ADAM29: variants seen among roughly 807,000 people sequenced by gnomAD.
The protein encoded by ADAM29 is ADAM metallopeptidase domain 29.
For synonymous variants in ADAM29, 367 were observed against 342.3 expected, an observed-to-expected ratio of 1.07 and a Z score of -0.80; for missense variants, 969 against 1,001.8, an observed-to-expected ratio of 0.97 and a Z score of 0.44.
chr4:174,955,405 G>A (rs1242896149), intron 4 of ADAM29, among the ~76,000 whole-genome samples: 1 of 152,016 alleles, frequency 6.6e-6, no homozygotes, highest in African/African-American at 2.4e-5. Flanking sequence ...GAATATAAGA[G>A]GGTACTCTGA....
chr4:174,969,823 T>C (rs565201082), intron 4 of ADAM29, among the ~76,000 whole-genome samples: 24 of 152,220 alleles, frequency 1.6e-4, no homozygotes, highest in African/African-American at 5.5e-4. Context: ...AATCTTTACA[T>C]ATTTTTACTA....
chr4:174,962,081 TTAAAG>T (rs1478198150), intron 4 of ADAM29, among the ~76,000 whole-genome samples: 10 of 152,202 alleles, frequency 6.6e-5, no homozygotes, highest in African/African-American at 2.4e-4. Flanking sequence ...ATGTAAACTT[TTAAAG>T]TAAATACTGA....
chr4:174,955,089 T>G (rs1365986560), intron 4 of ADAM29, among the ~76,000 whole-genome samples: 2 of 152,102 alleles, frequency 1.3e-5, no homozygotes, highest in Non-Finnish European at 2.9e-5. Flanking sequence ...ATGCATTTTT[T>G]TTCAAAATGT....
chr4:174,971,122 TAA>T (rs1746455463), intron 4 of ADAM29, among the ~76,000 whole-genome samples: 1 of 152,166 alleles, frequency 6.6e-6, no homozygotes, highest in Non-Finnish European at 1.5e-5. Flanking sequence ...ATACTAGAAT[TAA>T]AAGTCATTAT....
At chr4:174,943,593 TG>T (rs1024136285) in intron 4 of ADAM29, among the ~76,000 whole-genome samples, 5 of 152,226 alleles carry the variant, frequency 3.3e-5, no homozygotes, top group African/African-American at 1.2e-4. Context: ...GAGAACAGTA[TG>T]GGGGAAATCC....
Position 174,935,661 on chromosome 4 carries a change from G to A in ADAM29, c.-261-1272G>A, listed in dbSNP as rs539748693. On this transcript the variant is annotated intron_variant, in intron 3 of 4. Coordinates refer to ENST00000359240, the MANE Select transcript of ADAM29 (RefSeq NM_014269.4). ...TTGACTTAATCTATTTAGAAGTTTTGATTCAATAGATTCCCAGTGCTGCAG... is the reference window on the plus strand; with the variant it reads ...TTGACTTAATCTATTTAGAAGTTTTAATTCAATAGATTCCCAGTGCTGCAG... Among the ~76,000 whole-genome samples the A allele has an allele frequency of 4.7e-4, 72 of 152,108 alleles. 1 individual carries two copies. Among genetic ancestry groups the A allele is most frequent in the African/African-American group, 1.6e-3 (67 of 41,538 alleles).
At chr4:174,958,886 A>T (rs1745652601) in intron 4 of ADAM29, among the ~76,000 whole-genome samples, 1 of 151,840 alleles carries the variant, frequency 6.6e-6, no homozygotes, top group African/African-American at 2.4e-5. Context: ...TAGCATAGGT[A>T]CCTTGTAACA....
chr4:174,941,384 T>G (rs1244827638), intron 4 of ADAM29, among the ~76,000 whole-genome samples: 1 of 152,158 alleles, frequency 6.6e-6, no homozygotes, highest in African/African-American at 2.4e-5. Flanking sequence ...AATGCTGTAT[T>G]AATTTGTTTT....
At chr4:174,931,296 C>T (rs1053447379) in intron 3 of ADAM29, 122 bp downstream of exon 3, 64 of 152,256 alleles carry the variant, frequency 4.2e-4, no homozygotes, top group East Asian at 3.1e-3. Flanking sequence ...TGCCAACAAG[C>T]ATGAGAGGTG....
intron 4 of ADAM29, among the ~76,000 whole-genome samples, chr4:174,969,517 C>G (rs955598662): frequency 1.3e-5 from 2 of 151,742 alleles, no homozygotes; most frequent in African/African-American, 4.8e-5. Flanking sequence ...CAATTAAACT[C>G]ACAATTCCAG....
chr4:174,934,435 A>G (rs1744088475), intron 3 of ADAM29, among the ~76,000 whole-genome samples: 1 of 151,652 alleles, frequency 6.6e-6, no homozygotes, highest in African/African-American at 2.4e-5. Flanking sequence ...CATATTTACC[A>G]TTTTCTTTCT....
chr4:174,921,360 A>C (rs1339883663), intron 2 of ADAM29, among the ~76,000 whole-genome samples: 1 of 152,182 alleles, frequency 6.6e-6, no homozygotes, highest in Non-Finnish European at 1.5e-5. Flanking sequence ...ATGTAGGACA[A>C]ACTGGCCTCT....
In ADAM29 at chr4:174,937,530, C is replaced by T. The variant is rs371932897; in HGVS notation, c.-181+517C>T. ...TGTAGTCAGACCAGGCCATCTCTCCCATTTCATCAGGTGATTTCTCAACCA... is the reference window on the plus strand; with the variant it reads ...TGTAGTCAGACCAGGCCATCTCTCCTATTTCATCAGGTGATTTCTCAACCA... On this transcript the variant is annotated intron_variant, in intron 4 of 4. Coordinates refer to ENST00000359240, the MANE Select transcript of ADAM29 (RefSeq NM_014269.4). Among the ~76,000 whole-genome samples the T allele has an allele frequency of 2.6e-5, 4 of 152,054 alleles. No homozygotes were observed. The South Asian group carries it at 8.3e-4, about 31-fold the overall frequency.
intron 4 of ADAM29, among the ~76,000 whole-genome samples, chr4:174,958,382 C>A (rs1030130441): frequency 2.6e-5 from 4 of 151,716 alleles, no homozygotes; most frequent in African/African-American, 9.7e-5. Flanking sequence ...GGAGAATTGA[C>A]CTTTTTTATC....
intron 4 of ADAM29, among the ~76,000 whole-genome samples, chr4:174,974,264 T>C (rs566189159): frequency 3.3e-5 from 5 of 152,346 alleles, no homozygotes; most frequent in Admixed American, 3.3e-4. Flanking sequence ...GTGAAAGCTT[T>C]TCTTTAGCTA....
intron 4 of ADAM29, among the ~76,000 whole-genome samples, chr4:174,964,973 G>GAA (rs1314208045): frequency 6.6e-6 from 1 of 152,038 alleles, no homozygotes; most frequent in East Asian, 1.9e-4. Context: ...AAGTCAAAGA[G>GAA]AACTGGATTC....
At chr4:174,942,185 G>A (rs1039041395) in intron 4 of ADAM29, among the ~76,000 whole-genome samples, 6 of 152,160 alleles carry the variant, frequency 3.9e-5, no homozygotes, top group African/African-American at 9.7e-5. Flanking sequence ...ATTGAGTGCT[G>A]CAGCTTTTCC....
chr4:174,933,660 A>G (rs1402570124), intron 3 of ADAM29, among the ~76,000 whole-genome samples: 4 of 152,026 alleles, frequency 2.6e-5, no homozygotes, highest in African/African-American at 9.7e-5. Context: ...CCCAATGTCT[A>G]TTGTTCCCTC....
intron 4 of ADAM29, among the ~76,000 whole-genome samples, chr4:174,955,181 G>A (rs1289825336): frequency 1.3e-5 from 2 of 151,858 alleles, no homozygotes; most frequent in Non-Finnish European, 2.9e-5. Context: ...ATGAATCCAA[G>A]AACAAGGTAT....
Sources: allele counts gnomAD v4.1 joint callset (sites outside exome capture counted in the v4.1 genomes callset), GRCh38; gene constraint gnomAD v4.1.1; transcripts MANE v1.5; gene names NCBI Gene and HGNC (gene_info 2026-07-23, HGNC 2026-07-21).